Variants in RFTN1 observed in about 807,000 individuals in gnomAD.
The protein encoded by RFTN1 is raftlin.
RFTN1 carries 26 observed loss-of-function variants against 46.5 expected under a neutral mutation model. The ratio of observed to expected loss-of-function variants is 0.56; its 90% CI spans 0.41 to 0.78. The LOEUF (loss-of-function observed/expected upper bound fraction) is 0.78. Ranked by LOEUF, RFTN1 falls within the 30% of genes least tolerant of loss-of-function variation. The pLI is 0.00. For missense variants in RFTN1, 693 were observed against 718.7 expected, an observed-to-expected ratio of 0.96 and a Z score of 0.41; for synonymous variants, 261 against 284.2, an observed-to-expected ratio of 0.92 and a Z score of 0.82.
At chr3:16,367,777 A>T (rs1489490347) in intron 6 of RFTN1, among the ~76,000 whole-genome samples, 6 of 152,218 alleles carry the variant, frequency 3.9e-5, no homozygotes, top group Non-Finnish European at 8.8e-5. Flanking sequence ...AGGCTAACTC[A>T]GCCTTGATCA....
intron 4 of RFTN1, among the ~76,000 whole-genome samples, chr3:16,392,612 C>G (rs1575212100): frequency 6.8e-6 from 1 of 146,236 alleles, no homozygotes; most frequent in African/African-American, 2.5e-5. Flanking sequence ...GTATATATTA[C>G]ATATATAAGT....
chr3:16,335,018 C>T lies in RFTN1; in HGVS notation c.1147-8142G>A, dbSNP rs2070712116. 1.3e-5 allele frequency among the ~76,000 whole-genome samples: 2 copies of T among 152,198 alleles called. No homozygotes were observed. Among genetic ancestry groups the T allele is most frequent in the African/African-American group, 4.8e-5 (2 of 41,448 alleles). On this transcript the variant is annotated intron_variant, in intron 7 of 9. Coordinates refer to ENST00000334133, the MANE Select transcript of RFTN1 (RefSeq NM_015150.2). The surrounding 1 kb of genome is among the most constrained non-coding windows in gnomAD (Gnocchi z 4.7). ...GCAATGGTCGGTAACAGATTGTCTCCTAAAAGTCTCCACAAAGAATGTGGT... is the reference window on the plus strand; with the variant it reads ...GCAATGGTCGGTAACAGATTGTCTCTTAAAAGTCTCCACAAAGAATGTGGT...
chr3:16,332,902 T>C (rs1431352918), intron 7 of RFTN1, among the ~76,000 whole-genome samples: 1 of 152,200 alleles, frequency 6.6e-6, no homozygotes, highest in Non-Finnish European at 1.5e-5. Context: ...TGTAAAGTCA[T>C]TGTGAACAGT....
rs1197845856 is a variant in RFTN1, at chr3:16,425,760, C to A, written c.332+8091G>T. On this transcript the variant is annotated intron_variant, in intron 3 of 9. Coordinates refer to ENST00000334133, the MANE Select transcript of RFTN1 (RefSeq NM_015150.2). This position sits in a 1 kb window ranked among gnomAD's most constrained non-coding sequence, Gnocchi z 4.3. ...TAATTAACGGTGAATCCTGAAACTT[C>A]AACACACCAGAAAAGGGTGTCACTC... is the stretch of plus-strand genomic sequence containing the variant. Among the ~76,000 whole-genome samples the A allele has an allele frequency of 6.6e-6, 1 of 151,944 alleles. No individual in the cohort carries two copies. Among genetic ancestry groups the A allele is most frequent in the Non-Finnish European group, 1.5e-5 (1 of 68,012 alleles).
At chr3:16,436,560 C>T (rs1427531642) in intron 2 of RFTN1, among the ~76,000 whole-genome samples, 1 of 152,110 alleles carries the variant, frequency 6.6e-6, no homozygotes, top group Non-Finnish European at 1.5e-5. Context: ...GATTATAAAA[C>T]AATTCTCTTG....
intron 5 of RFTN1, among the ~76,000 whole-genome samples, chr3:16,372,335 G>A (rs182073264): frequency 6.6e-6 from 1 of 152,290 alleles, no homozygotes; most frequent in East Asian, 1.9e-4. Flanking sequence ...AGGAAGGTGG[G>A]ACATTTATCC....
chr3:16,358,626 C>T (rs2072622022), intron 6 of RFTN1, among the ~76,000 whole-genome samples: 2 of 152,024 alleles, frequency 1.3e-5, no homozygotes, highest in South Asian at 2.1e-4. Flanking sequence ...GGAAATGTTT[C>T]CCTGGGTGCT....
intron 2 of RFTN1, among the ~76,000 whole-genome samples, chr3:16,434,250 G>A (rs1313080051): frequency 6.6e-5 from 10 of 152,188 alleles, no homozygotes; most frequent in Admixed American, 6.5e-4. Flanking sequence ...TCGGCCAGGC[G>A]TGATGGCTCA....
chr3:16,415,409 G>GTATATATATA lies in RFTN1; in HGVS notation c.333-5936_333-5927dup, dbSNP rs367960866. On this transcript the variant is annotated intron_variant, in intron 3 of 9. Coordinates refer to ENST00000334133, the MANE Select transcript of RFTN1 (RefSeq NM_015150.2). The stretch of plus-strand genomic sequence containing the variant: ...GTTGAGATGTCTGGTAGACAGTTGA[G>GTATATATATA]TATATATATATATATATATATACAC... Among the ~76,000 whole-genome samples, 542 of 104,514 alleles carry GTATATATATA rather than the reference G, an allele frequency of 5.2e-3. 8 individuals are homozygous for GTATATATATA. Among genetic ancestry groups the GTATATATATA allele is most frequent in the African/African-American group, 0.014 (475 of 33,348 alleles). The allele number at this position is 104,514 out of a possible 152,430, so 68.6% of individuals were successfully genotyped here.
chr3:16,377,364 T>C (rs2073814721), intron 5 of RFTN1, among the ~76,000 whole-genome samples: 1 of 152,182 alleles, frequency 6.6e-6, no homozygotes, highest in African/African-American at 2.4e-5. Flanking sequence ...GTGTAGGTTT[T>C]CATCGGTGCC....
chr3:16,390,780 TAGTC>T (rs2074325349), intron 4 of RFTN1, among the ~76,000 whole-genome samples: 2 of 152,216 alleles, frequency 1.3e-5, no homozygotes, highest in East Asian at 3.8e-4. Context: ...TCTTAGAAGT[TAGTC>T]AGAGTAGACA....
chr3:16,398,906 AAT>A, intron 4 of RFTN1, among the ~76,000 whole-genome samples: 1 of 152,254 alleles, frequency 6.6e-6, no homozygotes, highest in South Asian at 2.1e-4. Context: ...CTAGCTCTAG[AAT>A]AGTTTTACTT....
intron 2 of RFTN1, among the ~76,000 whole-genome samples, chr3:16,467,327 C>T (rs2076113451): frequency 6.6e-6 from 1 of 152,216 alleles, no homozygotes; most frequent in Admixed American, 6.5e-5. Context: ...AATAACACCT[C>T]ACTTATGCAG....
chr3:16,412,208 G>A (rs1460593215), intron 3 of RFTN1, among the ~76,000 whole-genome samples: 1 of 152,198 alleles, frequency 6.6e-6, no homozygotes, highest in Non-Finnish European at 1.5e-5. Context: ...TGGGGGAATA[G>A]GTGAGCAAGT....
intron 4 of RFTN1, among the ~76,000 whole-genome samples, chr3:16,404,149 TTATA>T (rs1248284232): frequency 2.2e-5 from 1 of 44,580 alleles, no homozygotes; most frequent in Non-Finnish European, 3.6e-5. Flanking sequence ...AATATACATT[TTATA>T]TATATTATAT....
chr3:16,316,508 A>T lies in RFTN1; in HGVS notation c.*320T>A. 2.7e-6 allele frequency: 1 copy of T among 374,610 alleles called. No individual in the cohort carries two copies. The highest frequency in any genetic ancestry group is 4.9e-6 in the Non-Finnish European group (1 of 204,366). The allele number at this position is 374,610 out of a possible 1,614,324, so 23.2% of individuals were successfully genotyped here. Reference sequence around the variant, plus strand: ...GCTCCCTGGAGGCCCTGTGGCGAGGACAGGCACTGGATGGTCCAGACCCTC... The same window carrying T: ...GCTCCCTGGAGGCCCTGTGGCGAGGTCAGGCACTGGATGGTCCAGACCCTC... On this transcript the variant is annotated 3_prime_UTR_variant, in exon 10 of 10. Coordinates refer to ENST00000334133, the MANE Select transcript of RFTN1 (RefSeq NM_015150.2). The surrounding 1 kb of genome is among the most constrained non-coding windows in gnomAD (Gnocchi z 4.5).
chr3:16,363,770 G>A (rs552114220), intron 6 of RFTN1, among the ~76,000 whole-genome samples: 2 of 151,986 alleles, frequency 1.3e-5, no homozygotes, highest in East Asian at 3.9e-4. Flanking sequence ...TGGACTAGCT[G>A]GCATAACAGA....
chr3:16,475,689 CAGAG>C lies in RFTN1; in HGVS notation c.145+18032_145+18035del, dbSNP rs2076269581. Among the ~76,000 whole-genome samples the C allele has an allele frequency of 6.6e-6, 1 of 152,152 alleles. No individual in the cohort carries two copies. The highest frequency in any genetic ancestry group is 2.4e-5 in the African/African-American group (1 of 41,416). The stretch of plus-strand genomic sequence containing the variant: ...AAAACTAAAGCAACTAACAGACACA[CAGAG>C]AGAATCACTGAGGATTGAGATCCCT... On this transcript the variant is annotated intron_variant, in intron 2 of 9. Transcript: ENST00000334133. This position sits in a 1 kb window ranked among gnomAD's most constrained non-coding sequence, Gnocchi z 4.2.
intron 4 of RFTN1, among the ~76,000 whole-genome samples, chr3:16,391,272 CATT>C (rs1348819000): frequency 6.6e-6 from 1 of 152,174 alleles, no homozygotes; most frequent in East Asian, 1.9e-4. Flanking sequence ...TCTATTTTCT[CATT>C]ATTTCATATG....
Sources: allele counts gnomAD v4.1 joint callset (sites outside exome capture counted in the v4.1 genomes callset), GRCh38; gene constraint gnomAD v4.1.1; non-coding constraint Gnocchi (gnomAD v3.1); transcripts MANE v1.5; gene names NCBI Gene and HGNC (gene_info 2026-07-23, HGNC 2026-07-21).